Variants in ARMC2 observed in about 807,000 individuals in gnomAD.
ARMC2 encodes armadillo repeat containing 2.
ARMC2 carries 67 observed loss-of-function variants against 90.3 expected under a neutral mutation model. The observed-to-expected ratio is 0.74, with a 90% CI of 0.61 to 0.91. ARMC2 has a LOEUF of 0.91. ARMC2 is among the 40% of genes least tolerant of loss of function. The pLI, the probability that ARMC2 is intolerant of heterozygous loss-of-function variation, is 0.00. For synonymous variants in ARMC2, 393 were observed against 393.0 expected (o/e 1.00, Z 0.00); for missense variants, 920 against 1,030.9 (o/e 0.89, Z 1.47).
the ARMC2 span, among the ~76,000 whole-genome samples, chr6:109,026,059 C>T: frequency 0.1 from 15,193 of 151,066 alleles, 923 homozygotes; most frequent in Middle Eastern, 0.19. Flanking sequence ...ATCTTAAAGT[C>T]CATGAAAGGG....
At chr6:109,016,014 C>G in the ARMC2 span, among the ~76,000 whole-genome samples, 3 of 152,126 alleles carry the variant, frequency 2.0e-5, no homozygotes, top group African/African-American at 7.2e-5. Flanking sequence ...ATTATCCATT[C>G]AAAATAGATT....
chr6:108,921,759 A>G (rs1463575992), intron 10 of ARMC2, among the ~76,000 whole-genome samples: 1 of 152,216 alleles, frequency 6.6e-6, no homozygotes, highest in Non-Finnish European at 1.5e-5. Flanking sequence ...ATCATTTCAC[A>G]CTGTTTGTGG....
chr6:109,023,006 A>G, the ARMC2 span, among the ~76,000 whole-genome samples: 2 of 152,102 alleles, frequency 1.3e-5, no homozygotes, highest in Non-Finnish European at 2.9e-5. Flanking sequence ...CCCCTGCACT[A>G]TGTTCCCTGC....
chr6:108,917,527 A>C (rs940739857), intron 10 of ARMC2, among the ~76,000 whole-genome samples: 3 of 152,222 alleles, frequency 2.0e-5, no homozygotes, highest in Non-Finnish European at 4.4e-5. Context: ...AGAAAATAAT[A>C]AATGATGGTA....
At chr6:108,913,167 C>T (rs1773610187) in intron 10 of ARMC2, among the ~76,000 whole-genome samples, 1 of 152,208 alleles carries the variant, frequency 6.6e-6, no homozygotes, top group Non-Finnish European at 1.5e-5. Context: ...TGGAGCTGCT[C>T]TGGCTTGGAT....
chr6:108,957,607 A>G (rs1451230378), intron 13 of ARMC2, among the ~76,000 whole-genome samples: 2 of 152,106 alleles, frequency 1.3e-5, no homozygotes, highest in East Asian at 3.9e-4. Context: ...TCATGTGGGA[A>G]GGGCATCCCT....
the ARMC2 span, among the ~76,000 whole-genome samples, chr6:109,006,066 T>C: frequency 6.6e-6 from 1 of 152,146 alleles, no homozygotes; most frequent in African/African-American, 2.4e-5. Context: ...TGATAATAAA[T>C]AGCAATAGCA....
intron 10 of ARMC2, among the ~76,000 whole-genome samples, chr6:108,916,080 G>GA (rs5879004): frequency 6.6e-5 from 10 of 151,790 alleles, no homozygotes; most frequent in African/African-American, 1.5e-4. Context: ...TTGCTTAGAG[G>GA]AAAAAAAAAC....
At chr6:108,960,513 C>A (rs1485874352) in intron 13 of ARMC2, among the ~76,000 whole-genome samples, 1 of 152,200 alleles carries the variant, frequency 6.6e-6, no homozygotes, top group East Asian at 1.9e-4. Context: ...GTTCTAGAAG[C>A]TGGGAATGCA....
chr6:108,971,042 G>A (rs1445530308), intron 17 of ARMC2, among the ~76,000 whole-genome samples: 1 of 151,800 alleles, frequency 6.6e-6, no homozygotes, highest in Non-Finnish European at 1.5e-5. Flanking sequence ...GGGCAACATG[G>A]CAAAACCCCA....
chr6:109,002,340 G>C, the ARMC2 span: 2 of 1,612,900 alleles, frequency 1.2e-6, no homozygotes, highest in South Asian at 1.1e-5. Context: ...CTAATGCCAA[G>C]TTCCTAGAAA....
the ARMC2 span, among the ~76,000 whole-genome samples, chr6:109,007,773 A>G: frequency 2.8e-3 from 421 of 149,442 alleles, 5 homozygotes; most frequent in African/African-American, 9.9e-3. Context: ...AGAAATACTG[A>G]AAGTCCAGGT....
rs769668518 is a variant in ARMC2 at position 108,953,305 on chromosome 6, G to T, written c.1869G>T (p.Val623=). Reference sequence around the variant, plus strand: ...CCATCCACCCGGGCGTGGGCCCGGTGCTGGCCGCCAACCCGGGGATAGTGG... The same window carrying T: ...CCATCCACCCGGGCGTGGGCCCGGTTCTGGCCGCCAACCCGGGGATAGTGG... ...NIAIHPGVGP[V]LAANPGIVGL... The change falls in exon 13 of 18, where the codon GTG becomes GTT. Residue 623 remains valine, a synonymous_variant. Transcript: ENST00000392644. The T allele has an allele frequency of 1.9e-6, 3 of 1,610,098 alleles. No homozygotes were observed. Among genetic ancestry groups the T allele is most frequent in the East Asian group, 4.5e-5 (2 of 44,876 alleles).
intron 10 of ARMC2, among the ~76,000 whole-genome samples, chr6:108,926,393 C>T (rs1262192894): frequency 6.6e-6 from 1 of 152,172 alleles, no homozygotes; most frequent in Non-Finnish European, 1.5e-5. Flanking sequence ...TTTATGACAG[C>T]AATGGAATTC....
At chr6:108,901,548 T>G (rs1407262645) in intron 7 of ARMC2, among the ~76,000 whole-genome samples, 1 of 152,004 alleles carries the variant, frequency 6.6e-6, no homozygotes, top group Non-Finnish European at 1.5e-5. Context: ...CCTCAGTGGC[T>G]GGGATGACAG....
intron 13 of ARMC2, among the ~76,000 whole-genome samples, chr6:108,960,473 G>C (rs1777912839): frequency 6.6e-6 from 1 of 152,172 alleles, no homozygotes; most frequent in Non-Finnish European, 1.5e-5. Context: ...AATTATTCTT[G>C]CATCCAGCAC....
chr6:109,028,303 A>G, the ARMC2 span, among the ~76,000 whole-genome samples: 1 of 152,204 alleles, frequency 6.6e-6, no homozygotes, highest in African/African-American at 2.4e-5. Context: ...TATCTGTTGT[A>G]TCTGACTATC....
chr6:108,897,076 A>G (rs567974791), intron 6 of ARMC2, among the ~76,000 whole-genome samples: 25 of 152,196 alleles, frequency 1.6e-4, no homozygotes, highest in Non-Finnish European at 3.2e-4. Context: ...TAAATTATCA[A>G]AGTTAAGGCA....
chr6:108,869,046 A>T (rs1776118867), intron 4 of ARMC2, 51 bp downstream of exon 4: 1 of 1,504,876 alleles, frequency 6.6e-7, no homozygotes. Flanking sequence ...TGCTTCTTGA[A>T]TTTGCACACA....
Sources: gnomAD v4.1 joint callset for allele counts (sites outside exome capture counted in the v4.1 genomes callset) on GRCh38, gnomAD v4.1.1 for gene constraint, MANE v1.5 for transcripts, NCBI Gene and HGNC (gene_info 2026-07-23, HGNC 2026-07-21) for gene names.